Variants in MFSD11 observed in about 807,000 individuals in gnomAD.
MFSD11 encodes UNC93-like protein MFSD11.
Under a neutral mutation model 53.5 loss-of-function variants are expected in MFSD11, and 36 were observed. The ratio of observed to expected loss-of-function variants is 0.67; its 90% CI spans 0.52 to 0.89. The LOEUF (loss-of-function observed/expected upper bound fraction) is 0.89. MFSD11 is among the 40% of genes least tolerant of loss of function. The pLI, the probability that MFSD11 is intolerant of heterozygous loss-of-function variation, is 0.00. For missense variants in MFSD11, 530 were observed against 543.9 expected, an observed-to-expected ratio of 0.97 and a Z score of 0.25; for synonymous variants, 186 against 184.9, an observed-to-expected ratio of 1.01 and a Z score of -0.05.
Position 76,743,423 on chromosome 17 carries a change from T to C in MFSD11, c.463T>C (p.Tyr155His). The C allele has an allele frequency of 2.5e-6, 4 of 1,584,664 alleles. No homozygotes were observed. The highest frequency in any genetic ancestry group is 1.2e-5 in the South Asian group (1 of 83,932). ...SSLFFGNLYI[Y>H]FAWQGKTQIS... ...CTTGTTCTTTGGAAATCTCTACATA[T>C]ATTTTGCCTGGCAAGGGAAAACTCA... The change falls in exon 6 of 13, where the codon TAT (tyrosine) becomes CAT (histidine). Residue 155 changes from tyrosine (Y) to histidine (H), a missense_variant. By Grantham distance (83) the Tyr-to-His change is moderately conservative. Coordinates refer to ENST00000685175, the MANE Select transcript of MFSD11 (RefSeq NM_001242532.5).
chr17:76,736,751 T>G, upstream of MFSD11: 1 of 1,393,594 alleles, frequency 7.2e-7, no homozygotes, highest in East Asian at 2.8e-5. Flanking sequence ...CGCCCGGGCC[T>G]CCCGCGCGCC....
At chr17:76,786,312 T>G (rs917254971), downstream of MFSD11, among the ~76,000 whole-genome samples, 4 of 151,776 alleles carry the variant, frequency 2.6e-5, no homozygotes, top group African/African-American at 9.7e-5. Context: ...GCCCTGCTAA[T>G]TTTTGTATTT....
At chr17:76,801,189 C>T in the MFSD11 span, among the ~76,000 whole-genome samples, 4 of 151,782 alleles carry the variant, frequency 2.6e-5, no homozygotes, top group Admixed American at 6.6e-5. Flanking sequence ...GCCCGGAGTT[C>T]GTGACCAGCC....
Position 76,742,242 on chromosome 17 carries a change from A to G in MFSD11, c.406A>G (p.Ser136Gly). 1 of 1,614,158 alleles carries G rather than the reference A, an allele frequency of 6.2e-7. No individual in the cohort carries two copies. The highest frequency in any genetic ancestry group is 2.2e-5 in the East Asian group (1 of 44,884). The change falls in exon 5 of 13, where the codon AGT becomes GGT. Residue 136 changes from serine to glycine, a missense_variant. Coordinates refer to ENST00000685175, the MANE Select transcript of MFSD11 (RefSeq NM_001242532.5). ...GGATGAGCACAGCATTGGGAGAAAC[A>G]GTGGGATTTTCTGGGCACTTCTGCA... ...NSDEHSIGRN[S>G]GIFWALLQSS...
At position 76,738,326 on chromosome 17, in the gene MFSD11, T is replaced by G; in HGVS notation, c.-27T>G. On this transcript the variant is annotated 5_prime_UTR_variant, in exon 1 of 13. Coordinates refer to ENST00000685175, the MANE Select transcript of MFSD11 (RefSeq NM_001242532.5). Reference sequence around the variant, plus strand: ...CCGAGGAGAGCTGACTGCCCTGGGCTGCTGCCTCCGGCAGAGCTGAGCCAA... The same window carrying G: ...CCGAGGAGAGCTGACTGCCCTGGGCGGCTGCCTCCGGCAGAGCTGAGCCAA... The G allele has an allele frequency of 6.5e-7, 1 of 1,543,074 alleles. No individual in the cohort carries two copies. The highest frequency in any genetic ancestry group is 9.0e-7 in the Non-Finnish European group (1 of 1,115,682).
downstream of MFSD11, among the ~76,000 whole-genome samples, chr17:76,785,969 G>A (rs985359583): frequency 1.3e-5 from 2 of 150,696 alleles, no homozygotes; most frequent in African/African-American, 2.4e-5. Context: ...ATCCTACTTG[G>A]GAGGCTGAGG....
upstream of MFSD11, chr17:76,737,496 G>C: frequency 3.1e-6 from 1 of 323,158 alleles, no homozygotes. Context: ...CCCGGCGGGC[G>C]GGCCAAAAAG....
chr17:76,775,153 G>A lies in MFSD11; in HGVS notation c.1031G>A (p.Ser344Asn). The A allele has an allele frequency of 6.2e-7, 1 of 1,613,886 alleles. No individual in the cohort carries two copies. The highest frequency in any genetic ancestry group is 8.5e-7 in the Non-Finnish European group (1 of 1,179,854). ...PIAPVKGTDS[S>N]AYIKSSKEVA... ...GCTCCTGTTAAAGGAACTGACAGCA[G>A]TGCTTACATCAAATCCAGGTATAGT... Residue 344 changes from serine to asparagine, a missense_variant, in exon 11 of 13, where the codon AGT (serine) becomes AAT (asparagine). Ser to Asn is a conservative substitution (Grantham distance 46). Coordinates refer to ENST00000685175, the MANE Select transcript of MFSD11 (RefSeq NM_001242532.5).
downstream of MFSD11, among the ~76,000 whole-genome samples, chr17:76,779,535 AGT>A (rs999060776): frequency 3.3e-5 from 5 of 152,052 alleles, no homozygotes; most frequent in Non-Finnish European, 1.5e-5. Context: ...CCTAGGCTAG[AGT>A]GCAGTGGCGT....
chr17:76,749,296 G>T (rs1378975119), intron 7 of MFSD11, among the ~76,000 whole-genome samples: 2 of 152,080 alleles, frequency 1.3e-5, no homozygotes, highest in Non-Finnish European at 2.9e-5. Context: ...GGCCGAGACA[G>T]GCGGATTGCT....
chr17:76,787,851 C>T, the MFSD11 span, among the ~76,000 whole-genome samples: 3 of 149,684 alleles, frequency 2.0e-5, no homozygotes, highest in Non-Finnish European at 1.5e-5. Flanking sequence ...CCAGCATGAA[C>T]ATTAAAATAG....
chr17:76,803,534 T>G, the MFSD11 span, among the ~76,000 whole-genome samples: 18 of 151,936 alleles, frequency 1.2e-4, no homozygotes, highest in African/African-American at 4.3e-4. Context: ...GTGTTTGAGA[T>G]GTTTTGCAGA....
chr17:76,769,870 A>C lies in MFSD11; in HGVS notation c.873A>C (p.Leu291Phe). The C allele has an allele frequency of 6.2e-7, 1 of 1,603,756 alleles. No individual in the cohort carries two copies. Among genetic ancestry groups the C allele is most frequent in the Non-Finnish European group, 8.5e-7 (1 of 1,177,714 alleles). Residue 291 changes from leucine (L) to phenylalanine (F), a missense_variant and splice_region_variant, in exon 10 of 13, where the codon TTA becomes TTC. Coordinates refer to ENST00000685175, the MANE Select transcript of MFSD11 (RefSeq NM_001242532.5). ...TTTTCATCGGCATTGGAGAAATTTT[A>C]GGTTGGTTTTAAAAAAAAGCGTTTG... ...SGIFIGIGEI[L>F]GGSLFGLLSK...
chr17:76,789,579 C>T, the MFSD11 span, among the ~76,000 whole-genome samples: 2 of 150,018 alleles, frequency 1.3e-5, 1 homozygote, highest in South Asian at 4.4e-4. Flanking sequence ...TACTGGGAGA[C>T]TGCAGGTCCC....
At chr17:76,738,091 A>G (rs940294405), upstream of MFSD11, 27 of 493,894 alleles carry the variant, frequency 5.5e-5, no homozygotes, top group Non-Finnish European at 9.2e-5. Flanking sequence ...CCTGGAGCGG[A>G]TAAATTCTTG....
intron 8 of MFSD11, among the ~76,000 whole-genome samples, chr17:76,760,129 G>A (rs973816627): frequency 2.6e-5 from 4 of 151,144 alleles, no homozygotes; most frequent in African/African-American, 9.7e-5. Context: ...TTAGCCAGGC[G>A]TGGTGGCTGG....
At chr17:76,767,210 T>A (rs1281154332) in intron 8 of MFSD11, 176 bp from the exon 9 acceptor site, 2 of 511,204 alleles carry the variant, frequency 3.9e-6, no homozygotes, top group Non-Finnish European at 6.9e-6. Flanking sequence ...AAATAAACGT[T>A]TTATTTATAG....
chr17:76,741,781 C>G, intron 3 of MFSD11, 188 bp from the exon 4 acceptor site: 1 of 440,316 alleles, frequency 2.3e-6, no homozygotes, highest in South Asian at 9.5e-5. Flanking sequence ...GAGTGAGACC[C>G]TGTCTCAAAA....
At chr17:76,775,667 A>G (rs1247347000) in intron 11 of MFSD11, among the ~76,000 whole-genome samples, 1 of 152,224 alleles carries the variant, frequency 6.6e-6, no homozygotes, top group Non-Finnish European at 1.5e-5. Flanking sequence ...CCAAAAAACT[A>G]TACAAACTGA....
Sources: gnomAD v4.1 joint callset for allele counts (sites outside exome capture counted in the v4.1 genomes callset) on GRCh38, gnomAD v4.1.1 for gene constraint, MANE v1.5 for transcripts, NCBI Gene and HGNC (gene_info 2026-07-23, HGNC 2026-07-21) for gene names.